Variants in SMARCA2 observed in about 807,000 individuals in gnomAD.
The protein encoded by SMARCA2 is SWI/SNF related BAF chromatin remodeling complex subunit ATPase 2.
Under a neutral mutation model 199.8 loss-of-function variants are expected in SMARCA2, and 61 were observed. The observed-to-expected ratio is 0.31, with a 90% CI of 0.25 to 0.38. SMARCA2 has a LOEUF of 0.38. Among genes scored for constraint, SMARCA2 ranks in the 10% least tolerant of loss-of-function variants. The pLI is 1.00. For missense variants in SMARCA2, 1,344 were observed against 2,012.2 expected, an observed-to-expected ratio of 0.67 and a Z score of 6.35; for synonymous variants, 935 against 732.0, an observed-to-expected ratio of 1.28 and a Z score of -4.48.
intron 1 of SMARCA2, chr9:2,022,219 A>G (rs1430769125): frequency 7.9e-5 from 12 of 152,246 alleles, no homozygotes; most frequent in Admixed American, 7.9e-4. Flanking sequence ...TTAATCTGGC[A>G]AATTGTGGAT....
chr9:2,181,683 A>G lies in SMARCA2; in HGVS notation c.4359+7A>G. 1.5e-6 allele frequency: 2 copies of G among 1,307,038 alleles called. No individual in the cohort carries two copies. Among genetic ancestry groups the G allele is most frequent in the Non-Finnish European group, 2.2e-6 (2 of 900,674 alleles). The allele number at this position is 1,307,038 out of a possible 1,614,324, so 81.0% of individuals were successfully genotyped here. A position where few individuals can be genotyped will look rare whatever the true frequency, so the allele number is the denominator to read the frequency against. Reference sequence around the variant, plus strand: ...GGATTTCAAAAAAATAAAGGTAGATATTTTGTTTACCAACTTTATTCTTCA... The same window carrying G: ...GGATTTCAAAAAAATAAAGGTAGATGTTTTGTTTACCAACTTTATTCTTCA... On this transcript the variant is annotated splice_region_variant and intron_variant, in intron 30 of 33. Coordinates refer to ENST00000349721, the MANE Select transcript of SMARCA2 (RefSeq NM_003070.5).
chr9:2,138,184 C>A (rs967121032), intron 27 of SMARCA2, among the ~76,000 whole-genome samples: 25 of 148,276 alleles, frequency 1.7e-4, no homozygotes, highest in South Asian at 8.5e-4. Flanking sequence ...ACAACAACAA[C>A]AAAAAAAAAA....
intron 21 of SMARCA2, among the ~76,000 whole-genome samples, chr9:2,100,934 C>T (rs576822106): frequency 3.3e-5 from 5 of 152,092 alleles, no homozygotes; most frequent in South Asian, 2.1e-4. Flanking sequence ...GTGAAAGGAA[C>T]GTCTTACATG....
intron 1 of SMARCA2, among the ~76,000 whole-genome samples, chr9:2,018,578 C>A (rs370875621): frequency 2.2e-4 from 33 of 152,172 alleles, no homozygotes; most frequent in African/African-American, 7.7e-4. Context: ...TCTGCGTTAC[C>A]AATATCGAAT....
At position 2,077,761 on chromosome 9, in the gene SMARCA2, C is replaced by T. The variant is rs762650134; in HGVS notation, c.2169C>T (p.Thr723=). ...AGTCTGCCCTCCTAATTAATGGGAC[C>T]CTAAAGCATTACCAGGTAATTGGCA... ...EKQSALLING[T]LKHYQLQGLE... Residue 723 remains threonine, a synonymous_variant, in exon 14 of 34, where the codon ACC becomes ACT. Transcript: ENST00000349721. 6.2e-7 allele frequency: 1 copy of T among 1,611,200 alleles called. No homozygotes were observed.
In SMARCA2 at chr9:2,086,322, A is replaced by G. The variant is rs1286177441; in HGVS notation, c.2527-507A>G. Among the ~76,000 whole-genome samples the G allele has an allele frequency of 6.6e-6, 1 of 152,262 alleles. No homozygotes were observed. Among genetic ancestry groups the G allele is most frequent in the East Asian group, 1.9e-4 (1 of 5,200 alleles). The stretch of plus-strand genomic sequence containing the variant: ...CAAGCCCTAAAGGTAGTAACCAGCC[A>G]GGCTAATAGAAAAGAAGGCATGGAG... On this transcript the variant is annotated intron_variant, in intron 17 of 33. Coordinates refer to ENST00000349721, the MANE Select transcript of SMARCA2 (RefSeq NM_003070.5). The surrounding 1 kb of genome is among the most constrained non-coding windows in gnomAD (Gnocchi z 4.3).
chr9:2,088,454 A>G (rs375638303), intron 18 of SMARCA2, 46 bp from the exon 19 acceptor site: 33 of 1,545,962 alleles, frequency 2.1e-5, no homozygotes, highest in Non-Finnish European at 2.8e-5. Context: ...TGTATGAAAC[A>G]TCCTTTTCTT....
chr9:2,155,689 T>A (rs1825321718), intron 27 of SMARCA2, among the ~76,000 whole-genome samples: 1 of 149,182 alleles, frequency 6.7e-6, no homozygotes, highest in South Asian at 2.1e-4. Flanking sequence ...CCCACCTCCA[T>A]GTGCTTATGG....
intron 29 of SMARCA2, among the ~76,000 whole-genome samples, chr9:2,175,983 C>T (rs991305172): frequency 1.3e-5 from 2 of 152,018 alleles, no homozygotes; most frequent in Non-Finnish European, 1.5e-5. Flanking sequence ...TGGGTTCAAG[C>T]GATTCTCCTG....
chr9:2,060,386 G>C (rs968455729), intron 8 of SMARCA2, among the ~76,000 whole-genome samples: 1 of 152,102 alleles, frequency 6.6e-6, no homozygotes, highest in Admixed American at 6.5e-5. Flanking sequence ...GTGAATTTTT[G>C]TTGTTTGGGG....
At chr9:2,144,654 G>A (rs1359423671) in intron 27 of SMARCA2, among the ~76,000 whole-genome samples, 3 of 152,186 alleles carry the variant, frequency 2.0e-5, no homozygotes, top group African/African-American at 4.8e-5. Flanking sequence ...AGGCTGCTCA[G>A]CAGGAGTCCA....
intron 9 of SMARCA2, among the ~76,000 whole-genome samples, chr9:2,067,001 C>T (rs1403391546): frequency 6.6e-6 from 1 of 152,076 alleles, no homozygotes; most frequent in Non-Finnish European, 1.5e-5. Flanking sequence ...ATGTGCGCAC[C>T]AACCAGCAAT....
chr9:2,107,517 C>G (rs749725568), intron 23 of SMARCA2, among the ~76,000 whole-genome samples: 38 of 151,950 alleles, frequency 2.5e-4, no homozygotes, highest in Admixed American at 5.2e-4. Flanking sequence ...GGGGTTTTAC[C>G]ATGTTGGCCA....
intron 19 of SMARCA2, among the ~76,000 whole-genome samples, chr9:2,095,283 A>G (rs1421020080): frequency 6.6e-6 from 1 of 151,918 alleles, no homozygotes; most frequent in Non-Finnish European, 1.5e-5. Context: ...CTGGGGTTTC[A>G]TTATGTTGGT....
chr9:2,187,568 C>A (rs1318972874), intron 32 of SMARCA2, among the ~76,000 whole-genome samples: 1 of 152,040 alleles, frequency 6.6e-6, no homozygotes, highest in Non-Finnish European at 1.5e-5. Flanking sequence ...GTCCCAGCTA[C>A]TCAGGAAGCT....
intron 24 of SMARCA2, among the ~76,000 whole-genome samples, chr9:2,113,377 T>C (rs985134137): frequency 3.9e-5 from 6 of 152,206 alleles, no homozygotes; most frequent in Non-Finnish European, 8.8e-5. Flanking sequence ...TATTACGGAA[T>C]GGTCGACCAC....
At position 2,033,534 on chromosome 9, in the gene SMARCA2, C is replaced by A. The variant is rs143021439; in HGVS notation, c.355+453C>A. 4.9e-3 allele frequency among the ~76,000 whole-genome samples: 754 copies of A among 152,336 alleles called. 1 individual carries two copies. Among genetic ancestry groups the A allele is most frequent in the Middle Eastern group, 0.014 (4 of 294 alleles). On this transcript the variant is annotated intron_variant, in intron 3 of 33. Transcript: ENST00000349721. ...AAGGTAAGGTGAACCACCTGTGTCC[C>A]TTGAATTGCATGCTTATCCATTGTC... is the stretch of plus-strand genomic sequence containing the variant.
chr9:2,034,818 G>C (rs1172040495), intron 3 of SMARCA2, among the ~76,000 whole-genome samples: 2 of 152,104 alleles, frequency 1.3e-5, no homozygotes, highest in East Asian at 3.9e-4. Flanking sequence ...TGGCAGGCAG[G>C]CATAATTGTT....
chr9:2,149,595 T>C lies in SMARCA2; in HGVS notation c.3982-12091T>C, dbSNP rs940142130. Reference sequence around the variant, plus strand: ...GATTTATTCACTACCATGAGAACAGTGTGAGGGAAACCGCTCCCATGATTC... The same window carrying C: ...GATTTATTCACTACCATGAGAACAGCGTGAGGGAAACCGCTCCCATGATTC... On this transcript the variant is annotated intron_variant, in intron 27 of 33. Transcript: ENST00000349721. Among the ~76,000 whole-genome samples the C allele has an allele frequency of 4.6e-5, 7 of 151,524 alleles. 1 individual carries two copies. Among genetic ancestry groups the C allele is most frequent in the Non-Finnish European group, 8.9e-5 (6 of 67,736 alleles).
Sources: allele counts gnomAD v4.1 joint callset (sites outside exome capture counted in the v4.1 genomes callset), GRCh38; gene constraint gnomAD v4.1.1; non-coding constraint Gnocchi (gnomAD v3.1); transcripts MANE v1.5; gene names NCBI Gene and HGNC (gene_info 2026-07-23, HGNC 2026-07-21).